Variants in TAFA1 observed in about 807,000 individuals in gnomAD.
TAFA1 encodes chemokine-like protein TAFA-1.
TAFA1 carries 4 observed loss-of-function variants against 18.5 expected under a neutral mutation model. The ratio of observed to expected loss-of-function variants is 0.22; its 90% confidence interval spans 0.11 to 0.49. The LOEUF (loss-of-function observed/expected upper bound fraction) is 0.49. Ranked by LOEUF, TAFA1 falls within the 20% of genes least tolerant of loss-of-function variation. The pLI, the probability that TAFA1 is intolerant of heterozygous loss-of-function variation, is 0.98. For synonymous variants in TAFA1, 56 were observed against 55.2 expected, an observed-to-expected ratio of 1.01 and a Z score of -0.06; for missense variants, 147 against 169.0, an observed-to-expected ratio of 0.87 and a Z score of 0.72.
chr3:68,072,169 C>G (rs1399220744), intron 2 of TAFA1, among the ~76,000 whole-genome samples: 1 of 152,086 alleles, frequency 6.6e-6, no homozygotes, highest in African/African-American at 2.4e-5. Context: ...AGGATGTAAT[C>G]CTTGAACTGA....
intron 3 of TAFA1, among the ~76,000 whole-genome samples, chr3:68,503,733 C>G (rs1209119284): frequency 6.6e-6 from 1 of 151,990 alleles, no homozygotes; most frequent in Non-Finnish European, 1.5e-5. Context: ...AGTAGGGAGG[C>G]CTTTCTGATG....
rs79001988 is a variant in TAFA1 at position 68,226,714 on chromosome 3, G to A, written c.119-190566G>A. Among the ~76,000 whole-genome samples the A allele has an allele frequency of 1.1e-3, 173 of 152,296 alleles. No homozygotes were observed. The East Asian group carries it at 0.025, about 22-fold the overall frequency. The stretch of plus-strand genomic sequence containing the variant: ...TCAACCACCCTGAGATGTAGGCAGA[G>A]CATGAATTATTAGCTTTCTTTTGAA... On this transcript the variant is annotated intron_variant, in intron 2 of 4. Transcript: ENST00000478136.
Position 68,254,105 on chromosome 3 carries a change from CTATGTATGTATGTATG to C in TAFA1, c.119-163159_119-163144del, listed in dbSNP as rs60606466. ...TCTGCCTGTCTATCTATCTACCTGT[CTATGTATGTATGTATG>C]TATGTATGTATGTATCTATCTATCT... On this transcript the variant is annotated intron_variant, in intron 2 of 4. Coordinates refer to ENST00000478136, the MANE Select transcript of TAFA1 (RefSeq NM_213609.4). 1.5e-4 allele frequency among the ~76,000 whole-genome samples: 22 copies of C among 145,204 alleles called. No individual in the cohort carries two copies. The East Asian group carries it at 4.4e-3, about 29-fold the overall frequency.
intron 2 of TAFA1, among the ~76,000 whole-genome samples, chr3:68,415,038 T>C (rs1226927554): frequency 6.6e-6 from 1 of 152,010 alleles, no homozygotes. Flanking sequence ...AGTTAAAGAG[T>C]GTAATATATG....
intron 2 of TAFA1, among the ~76,000 whole-genome samples, chr3:68,011,127 GT>G (rs1704462735): frequency 1.3e-5 from 2 of 149,646 alleles, no homozygotes; most frequent in Non-Finnish European, 3.0e-5. Context: ...ATGTGTGTGT[GT>G]GGGGGGTGGT....
chr3:68,203,043 C>A (rs565881044), intron 2 of TAFA1, among the ~76,000 whole-genome samples: 2 of 151,766 alleles, frequency 1.3e-5, no homozygotes, highest in South Asian at 4.1e-4. Flanking sequence ...ATTTCTTCTT[C>A]ACTTTAAAGA....
chr3:68,313,030 G>A (rs1171306822), intron 2 of TAFA1, among the ~76,000 whole-genome samples: 1 of 152,098 alleles, frequency 6.6e-6, no homozygotes, highest in African/African-American at 2.4e-5. Flanking sequence ...GATTTTTAAA[G>A]TCGTCAGATC....
intron 3 of TAFA1, among the ~76,000 whole-genome samples, chr3:68,498,767 A>T (rs2072602039): frequency 8.3e-6 from 1 of 120,830 alleles, no homozygotes. Flanking sequence ...TGAGAGAGAG[A>T]GAGAAAACTA....
In TAFA1 at chr3:68,528,980, A is replaced by T. The variant is rs527283310; in HGVS notation, c.260-9776A>T. On this transcript the variant is annotated intron_variant, in intron 3 of 4. Coordinates refer to ENST00000478136, the MANE Select transcript of TAFA1 (RefSeq NM_213609.4). ...CTAAGTACTTCAAATGTACTTTCTC[A>T]TGTAATCCTCACAACCCTTTGATAT... 7.9e-5 allele frequency among the ~76,000 whole-genome samples: 12 copies of T among 152,218 alleles called. 1 individual carries two copies. The South Asian group carries it at 2.3e-3, about 29-fold the overall frequency.
At chr3:68,201,903 A>C (rs1383374518) in intron 2 of TAFA1, among the ~76,000 whole-genome samples, 2 of 151,698 alleles carry the variant, frequency 1.3e-5, no homozygotes, top group Non-Finnish European at 3.0e-5. Context: ...GGAAGCTGAC[A>C]CATAGGAAGA....
intron 2 of TAFA1, among the ~76,000 whole-genome samples, chr3:68,383,286 G>A (rs578006787): frequency 2.0e-5 from 3 of 151,722 alleles, no homozygotes; most frequent in African/African-American, 7.3e-5. Context: ...AAATGTTCCA[G>A]CTTTTGCCAA....
chr3:68,191,857 C>T lies in TAFA1; in HGVS notation c.118+185113C>T, dbSNP rs567640509. Among the ~76,000 whole-genome samples, 7 of 151,866 alleles carry T rather than the reference C, an allele frequency of 4.6e-5. 1 individual carries two copies. Among genetic ancestry groups the T allele is most frequent in the Admixed American group, 1.3e-4 (2 of 15,218 alleles). On this transcript the variant is annotated intron_variant, in intron 2 of 4. Transcript: ENST00000478136. ...TGATTGATATAGTTATTATCTAAGA[C>T]GTGATTTGGTGGTGTTTTCGTAAAC...
At chr3:68,303,682 C>A (rs1396178326) in intron 2 of TAFA1, among the ~76,000 whole-genome samples, 1 of 152,028 alleles carries the variant, frequency 6.6e-6, no homozygotes, top group Non-Finnish European at 1.5e-5. Flanking sequence ...ATCTCCTGAC[C>A]TCGTGATCCG....
At chr3:68,480,236 CAAAAAAA>C (rs35040879) in intron 3 of TAFA1, among the ~76,000 whole-genome samples, 4 of 127,064 alleles carry the variant, frequency 3.1e-5, no homozygotes, top group Admixed American at 2.4e-4. Context: ...ACTAAAAATA[CAAAAAAA>C]AAAAAAAAAA....
At chr3:68,201,010 G>A (rs2066463811) in intron 2 of TAFA1, among the ~76,000 whole-genome samples, 2 of 151,538 alleles carry the variant, frequency 1.3e-5, no homozygotes, top group Admixed American at 6.6e-5. Context: ...ATTCAATGCT[G>A]TAAACTTCTC....
At chr3:68,342,076 A>G (rs1046917968) in intron 2 of TAFA1, among the ~76,000 whole-genome samples, 2 of 152,132 alleles carry the variant, frequency 1.3e-5, no homozygotes, top group African/African-American at 2.4e-5. Flanking sequence ...GAATGGGTGG[A>G]AGGCTTCCAC....
intron 2 of TAFA1, among the ~76,000 whole-genome samples, chr3:68,357,119 G>A (rs1432850007): frequency 2.0e-5 from 3 of 151,930 alleles, no homozygotes; most frequent in Non-Finnish European, 4.4e-5. Flanking sequence ...GACAAGGGTT[G>A]TATCTCCAGC....
intron 2 of TAFA1, among the ~76,000 whole-genome samples, chr3:68,291,018 A>C (rs2068094499): frequency 6.6e-6 from 1 of 152,102 alleles, no homozygotes; most frequent in Admixed American, 6.5e-5. Context: ...GGAAAATAAC[A>C]GCCTTAGTGT....
At chr3:68,341,010 AAGTT>A (rs1271093115) in intron 2 of TAFA1, among the ~76,000 whole-genome samples, 1 of 152,192 alleles carries the variant, frequency 6.6e-6, no homozygotes, top group Non-Finnish European at 1.5e-5. Flanking sequence ...TGATGTCTAA[AAGTT>A]AGGAAAGAGT....
Sources: allele counts gnomAD v4.1 joint callset (sites outside exome capture counted in the v4.1 genomes callset), GRCh38; gene constraint gnomAD v4.1.1; transcripts MANE v1.5; gene names NCBI Gene and HGNC (gene_info 2026-07-23, HGNC 2026-07-21).